The following CLDN20 variants were observed in gnomAD, a reference collection of about 807,000 sequenced individuals.
CLDN20 encodes the protein claudin 20.
For missense variants in CLDN20, 258 were observed against 267.9 expected (o/e 0.96, Z 0.26); for synonymous variants, 104 against 103.6 (o/e 1.00, Z -0.03).
At position 155,264,285 on chromosome 6, in the gene CLDN20, C is replaced by G. The variant is rs1017780522; in HGVS notation, c.-108C>G. ...CACGGGCCTCGAGGTTACAACTTTCCCAGGTAAGGAGAATCCCAGGTAGAG... is the reference window on the plus strand; with the variant it reads ...CACGGGCCTCGAGGTTACAACTTTCGCAGGTAAGGAGAATCCCAGGTAGAG... On this transcript the variant is annotated 5_prime_UTR_variant, in exon 1 of 2. Transcript: ENST00000367165. 2 of 152,222 alleles carry G rather than the reference C, an allele frequency of 1.3e-5. No individual in the cohort carries two copies. The highest frequency in any genetic ancestry group is 3.9e-4 in the East Asian group (2 of 5,176). 9.4% of individuals were successfully genotyped at this position (152,222 alleles called of 1,614,324 possible).
At chr6:155,274,674 G>C (rs1335345339) in intron 1 of CLDN20, among the ~76,000 whole-genome samples, 2 of 152,206 alleles carry the variant, frequency 1.3e-5, no homozygotes, top group African/African-American at 4.8e-5. Context: ...CCTCAGTCAG[G>C]ATTTTGCAAA....
chr6:155,264,923 A>G (rs1784554052), intron 1 of CLDN20, among the ~76,000 whole-genome samples: 1 of 152,220 alleles, frequency 6.6e-6, no homozygotes, highest in Non-Finnish European at 1.5e-5. Flanking sequence ...AATTTCAGGG[A>G]GATGCACGTG....
intron 1 of CLDN20, among the ~76,000 whole-genome samples, chr6:155,269,935 A>G (rs1350181961): frequency 6.6e-6 from 1 of 152,244 alleles, no homozygotes; most frequent in Non-Finnish European, 1.5e-5. Context: ...CTGGCACAGG[A>G]GAATCAGTGA....
At chr6:155,265,360 A>T (rs1784581603) in intron 1 of CLDN20, among the ~76,000 whole-genome samples, 1 of 152,260 alleles carries the variant, frequency 6.6e-6, no homozygotes. Context: ...TATTATTAAA[A>T]GACTGAGAAA....
chr6:155,271,927 G>T (rs560470505), intron 1 of CLDN20, among the ~76,000 whole-genome samples: 3 of 152,098 alleles, frequency 2.0e-5, no homozygotes, highest in South Asian at 4.2e-4. Flanking sequence ...TCCCTTCCCC[G>T]CCTCTCCTTT....
At chr6:155,273,637 C>G (rs1476769737) in intron 1 of CLDN20, among the ~76,000 whole-genome samples, 1 of 151,988 alleles carries the variant, frequency 6.6e-6, no homozygotes, top group African/African-American at 2.4e-5. Context: ...TTCCCTGGTT[C>G]CCAAGGGAAA....
intron 1 of CLDN20, among the ~76,000 whole-genome samples, chr6:155,275,085 G>A (rs1443934229): frequency 2.0e-5 from 3 of 151,864 alleles, no homozygotes; most frequent in African/African-American, 7.3e-5. Context: ...AATTAGCCGG[G>A]CATGGTGGCG....
intron 1 of CLDN20, among the ~76,000 whole-genome samples, chr6:155,274,973 C>A (rs922799367): frequency 6.6e-6 from 1 of 152,156 alleles, no homozygotes; most frequent in African/African-American, 2.4e-5. Context: ...AATCCCAGCA[C>A]TTCGGGAGGC....
Position 155,269,322 on chromosome 6 carries a change from TTC to T in CLDN20, c.-105+5036_-105+5037del, listed in dbSNP as rs1491245009. ...TAGCTTAGTTTTCTTTTCTTTTCTTTTCTTTTTTTTTTTTTTTGAGATGGAGT... is the reference window on the plus strand; with the variant it reads ...TAGCTTAGTTTTCTTTTCTTTTCTTTTTTTTTTTTTTTTTTGAGATGGAGT... On this transcript the variant is annotated intron_variant, in intron 1 of 1. Transcript: ENST00000367165. Among the ~76,000 whole-genome samples, 74 of 83,878 alleles carry T rather than the reference TTC, an allele frequency of 8.8e-4. No individual in the cohort carries two copies. The East Asian group carries it at 0.041, about 47-fold the overall frequency. The allele number at this position is 83,878 out of a possible 152,430, so 55.0% of individuals were successfully genotyped here.
chr6:155,269,420 C>G (rs1769804031), intron 1 of CLDN20, among the ~76,000 whole-genome samples: 1 of 147,594 alleles, frequency 6.8e-6, no homozygotes, highest in South Asian at 2.2e-4. Context: ...CTGCTGGGTT[C>G]AAGCGATTCT....
Position 155,276,076 on chromosome 6 carries a change from T to C in CLDN20, c.357T>C (p.Phe119=). ...GAGAAACCAAGAGCCATGCTTCCTT[T>C]GCTGGAGGAGTCTGTTTCATGTCTG... ...GDRETKSHAS[F]AGGVCFMSAG... Residue 119 remains phenylalanine (F), a synonymous_variant, in exon 2 of 2, where the codon TTT becomes TTC. Transcript: ENST00000367165. The C allele has an allele frequency of 6.2e-7, 1 of 1,614,186 alleles. No individual in the cohort carries two copies. The highest frequency in any genetic ancestry group is 1.3e-5 in the African/African-American group (1 of 75,026).
At chr6:155,265,864 G>A (rs1456612513) in intron 1 of CLDN20, among the ~76,000 whole-genome samples, 3 of 151,186 alleles carry the variant, frequency 2.0e-5, no homozygotes, top group Admixed American at 2.0e-4. Flanking sequence ...TGCAGGCTGA[G>A]AAGCAAGGAG....
In CLDN20 at chr6:155,268,594, G is replaced by C. The variant is rs73792820; in HGVS notation, c.-105+4306G>C. Among the ~76,000 whole-genome samples the C allele has an allele frequency of 1.7e-3, 264 of 152,284 alleles. 1 individual carries two copies. Among genetic ancestry groups the C allele is most frequent in the African/African-American group, 5.4e-3 (226 of 41,540 alleles). ...CACTAAGCAACACCACACACTAAGG[G>C]AAGCTAAAGTAATTTCTGCTTAAAG... On this transcript the variant is annotated intron_variant, in intron 1 of 1. Coordinates refer to ENST00000367165, the MANE Select transcript of CLDN20 (RefSeq NM_001001346.3).
chr6:155,268,141 T>G (rs138278690), intron 1 of CLDN20, among the ~76,000 whole-genome samples: 106 of 152,340 alleles, frequency 7.0e-4, no homozygotes, highest in African/African-American at 2.4e-3. Context: ...ATATCTCTAC[T>G]CATCTAGTTA....
At chr6:155,271,439 A>G (rs1287167184) in intron 1 of CLDN20, among the ~76,000 whole-genome samples, 1 of 152,210 alleles carries the variant, frequency 6.6e-6, no homozygotes, top group Non-Finnish European at 1.5e-5. Flanking sequence ...TCTAAGTGGA[A>G]GCAATAACAA....
chr6:155,265,191 G>C (rs1784572842), intron 1 of CLDN20, among the ~76,000 whole-genome samples: 1 of 152,202 alleles, frequency 6.6e-6, no homozygotes, highest in African/African-American at 2.4e-5. Flanking sequence ...AGGCTGCCCA[G>C]CCGGGCCATG....
intron 1 of CLDN20, among the ~76,000 whole-genome samples, chr6:155,274,617 G>A (rs1378309633): frequency 6.6e-6 from 1 of 152,192 alleles, no homozygotes; most frequent in African/African-American, 2.4e-5. Context: ...AAAAACAGTG[G>A]CTTAATTGTT....
chr6:155,265,421 C>A lies in CLDN20; in HGVS notation c.-105+1133C>A, dbSNP rs1319419905. On this transcript the variant is annotated intron_variant, in intron 1 of 1. Transcript: ENST00000367165. Reference sequence around the variant, plus strand: ...TTCATAATAAACCATAATTATCAAACGGACTAGACATCACACTGAAGATGC... The same window carrying A: ...TTCATAATAAACCATAATTATCAAAAGGACTAGACATCACACTGAAGATGC... Among the ~76,000 whole-genome samples the A allele has an allele frequency of 3.9e-5, 6 of 152,062 alleles. No individual in the cohort carries two copies. The East Asian group carries it at 7.7e-4, about 20-fold the overall frequency.
rs1784515606 is a variant in CLDN20 at position 155,264,101 on chromosome 6, T to C, written c.-292T>C. 1 of 152,078 alleles carries C rather than the reference T, an allele frequency of 6.6e-6. No homozygotes were observed. Among genetic ancestry groups the C allele is most frequent in the Non-Finnish European group, 1.5e-5 (1 of 68,036 alleles). The allele number at this position is 152,078 out of a possible 1,614,324, so 9.4% of individuals were successfully genotyped here. The stretch of plus-strand genomic sequence containing the variant: ...CTTGCAGGCTATAGGCACCACAAAA[T>C]GGAACGCAGGAGGACAGGGGCTTGG... On this transcript the variant is annotated 5_prime_UTR_variant, in exon 1 of 2. It removes an upstream start codon present in the reference 5' UTR. Coordinates refer to ENST00000367165, the MANE Select transcript of CLDN20 (RefSeq NM_001001346.3).
Sources: allele counts gnomAD v4.1 joint callset (sites outside exome capture counted in the v4.1 genomes callset), GRCh38; gene constraint gnomAD v4.1.1; transcripts MANE v1.5; gene names NCBI Gene and HGNC (gene_info 2026-07-23, HGNC 2026-07-21).